Variants in NINL observed in about 807,000 individuals in gnomAD.
NINL encodes the protein ninein like.
A neutral mutation model predicts 160.3 loss-of-function variants in NINL; 153 were observed. The ratio of observed to expected loss-of-function variants is 0.95; its 90% CI spans 0.84 to 1.09. NINL has a LOEUF of 1.09. Ranked by LOEUF, NINL falls within the 50% of genes least tolerant of loss-of-function variation. The pLI, the probability that NINL is intolerant of heterozygous loss-of-function variation, is 0.00. For synonymous variants in NINL, 800 were observed against 734.8 expected (o/e 1.09, Z -1.43); for missense variants, 1,829 against 1,764.0 (o/e 1.04, Z -0.66).
chr20:25,495,307 C>A (rs2063728707), intron 10 of NINL, among the ~76,000 whole-genome samples: 1 of 152,222 alleles, frequency 6.6e-6, no homozygotes, highest in South Asian at 2.1e-4. Context: ...TGCAGGCTCA[C>A]CCTGGGGACT....
Position 25,505,983 on chromosome 20 carries a change from G to T in NINL, c.518-905C>A, listed in dbSNP as rs189952703. On this transcript the variant is annotated intron_variant, in intron 5 of 23. Coordinates refer to ENST00000278886, the MANE Select transcript of NINL (RefSeq NM_025176.6). ...GCAAGCACTTAAAAGAGGCAGAGGG[G>T]CTGGGCGCGGTGGCTTACGCCTGTA... 6.0e-4 allele frequency among the ~76,000 whole-genome samples: 92 copies of T among 152,366 alleles called. 2 individuals are homozygous for T. In the East Asian group the frequency reaches 0.017, roughly 27 times the overall value.
intron 18 of NINL, among the ~76,000 whole-genome samples, chr20:25,467,747 C>G (rs188758497): frequency 6.6e-6 from 1 of 152,300 alleles, no homozygotes; most frequent in South Asian, 2.1e-4. Context: ...ACTGTAAGAA[C>G]GCACACCCTG....
chr20:25,518,241 G>C (rs1416103960), intron 2 of NINL, among the ~76,000 whole-genome samples: 1 of 152,174 alleles, frequency 6.6e-6, no homozygotes, highest in African/African-American at 2.4e-5. Flanking sequence ...TGACTTTTAT[G>C]GTGACAGCTT....
chr20:25,577,217 G>A (rs2065124906), intron 1 of NINL, among the ~76,000 whole-genome samples: 1 of 152,190 alleles, frequency 6.6e-6, no homozygotes, highest in African/African-American at 2.4e-5. Flanking sequence ...CCGCCCTCTG[G>A]AGTCCCTGCT....
intron 1 of NINL, among the ~76,000 whole-genome samples, chr20:25,553,705 A>G (rs1036083556): frequency 6.6e-6 from 1 of 152,176 alleles, no homozygotes; most frequent in African/African-American, 2.4e-5. Flanking sequence ...TCCTTCACTT[A>G]TCTTTCTCCC....
intron 16 of NINL, among the ~76,000 whole-genome samples, chr20:25,477,446 A>C (rs1369769287): frequency 6.6e-6 from 1 of 152,240 alleles, no homozygotes. Flanking sequence ...CAGGGCAGAC[A>C]TACGACGTGG....
intron 1 of NINL, among the ~76,000 whole-genome samples, chr20:25,532,690 C>T (rs1306192618): frequency 5.9e-5 from 9 of 152,226 alleles, no homozygotes; most frequent in Admixed American, 4.6e-4. Context: ...CAGGTGCGGG[C>T]AAGCAGGTGA....
intron 20 of NINL, 84 bp downstream of exon 20, chr20:25,462,299 C>A (rs1396433029): frequency 6.8e-6 from 9 of 1,321,308 alleles, no homozygotes; most frequent in South Asian, 1.4e-5. Context: ...GGCTCCTCAG[C>A]GCGTGTCCTG....
chr20:25,571,567 C>G (rs534606190), intron 1 of NINL, among the ~76,000 whole-genome samples: 2 of 152,238 alleles, frequency 1.3e-5, no homozygotes, highest in Non-Finnish European at 2.9e-5. Context: ...TCATGGAATG[C>G]TATTTAAAAG....
chr20:25,555,918 G>T (rs1047620476), intron 1 of NINL, among the ~76,000 whole-genome samples: 1 of 151,618 alleles, frequency 6.6e-6, no homozygotes, highest in African/African-American at 2.4e-5. Context: ...CAGGTGATAC[G>T]CCCGCCTCGG....
chr20:25,455,459 T>G (rs1568824111), intron 23 of NINL, among the ~76,000 whole-genome samples: 1 of 152,172 alleles, frequency 6.6e-6, no homozygotes, highest in Non-Finnish European at 1.5e-5. Context: ...GATGAGTCCT[T>G]TCTGAGTGTA....
Position 25,500,894 on chromosome 20 carries a change from C to T in NINL, c.978G>A (p.Gln326=). ...CCTCCTGGGTCCACATGGCCAGGAC[C>T]TGATCAGGAAAAGCGAAGCCAGAAC... ...DDGSGFAFPD[Q]VLAMWTQEGI... Residue 326 remains glutamine, a synonymous_variant, in exon 8 of 24, where the codon CAG becomes CAA. Coordinates refer to ENST00000278886, the MANE Select transcript of NINL (RefSeq NM_025176.6). 1 of 1,614,226 alleles carries T rather than the reference C, an allele frequency of 6.2e-7. No homozygotes were observed. Among genetic ancestry groups the T allele is most frequent in the Non-Finnish European group, 8.5e-7 (1 of 1,180,046 alleles).
chr20:25,573,297 C>CA (rs960087203), intron 1 of NINL, among the ~76,000 whole-genome samples: 2,523 of 51,416 alleles, frequency 0.049, 64 homozygotes, highest in African/African-American at 0.11. Flanking sequence ...AACTCCATCT[C>CA]AAAAAAAAAA....
At chr20:25,520,027 A>G in intron 2 of NINL, among the ~76,000 whole-genome samples, 1 of 98,932 alleles carries the variant, frequency 1.0e-5, no homozygotes, top group Admixed American at 1.1e-4. Context: ...AAGGCCAGAG[A>G]GTATGTATTG....
In NINL at chr20:25,469,970, G is replaced by A. The variant is rs771484621; in HGVS notation, c.3353+21C>T. ...GGCAAAACGCACCCCCAGAAGGTCT[G>A]GGTAGGGGCGTGGCCCTTACCTCTG... is the stretch of plus-strand genomic sequence containing the variant. On this transcript the variant is annotated intron_variant, in intron 18 of 23. Coordinates refer to ENST00000278886, the MANE Select transcript of NINL (RefSeq NM_025176.6). 5 of 1,574,846 alleles carry A rather than the reference G, an allele frequency of 3.2e-6. No individual in the cohort carries two copies. The Admixed American group carries it at 6.7e-5, about 21-fold the overall frequency.
At chr20:25,478,009 C>T (rs924387373) in intron 16 of NINL, among the ~76,000 whole-genome samples, 4 of 147,188 alleles carry the variant, frequency 2.7e-5, no homozygotes, top group Admixed American at 1.4e-4. Flanking sequence ...AGTGCAATGG[C>T]GAGATCTCGG....
At chr20:25,570,916 T>C (rs2065048383) in intron 1 of NINL, among the ~76,000 whole-genome samples, 1 of 152,000 alleles carries the variant, frequency 6.6e-6, no homozygotes, top group African/African-American at 2.4e-5. Context: ...TTGGCCAGGC[T>C]GGTCTCAAAC....
At chr20:25,481,658 A>G (rs2063391143) in intron 14 of NINL, among the ~76,000 whole-genome samples, 1 of 152,206 alleles carries the variant, frequency 6.6e-6, no homozygotes, top group Non-Finnish European at 1.5e-5. Flanking sequence ...TCCGGGATTT[A>G]GCTCTTCTCA....
At position 25,477,926 on chromosome 20, in the gene NINL, C is replaced by CTT. The variant is rs34667640; in HGVS notation, c.2202-839_2202-838dup. Among the ~76,000 whole-genome samples, 114 of 143,140 alleles carry CTT rather than the reference C, an allele frequency of 8.0e-4. 2 individuals are homozygous for CTT. The highest frequency in any genetic ancestry group is 1.7e-3 in the African/African-American group (66 of 38,588). 93.9% of individuals were successfully genotyped at this position (143,140 alleles called of 152,430 possible). On this transcript the variant is annotated intron_variant, in intron 16 of 23. Transcript: ENST00000278886. ...GGGGAGGCACAGGATGGACAGACGA[C>CTT]TTTTTTTTTTTTTTGAGACGAGTCT...
Sources: gnomAD v4.1 joint callset for allele counts (sites outside exome capture counted in the v4.1 genomes callset) on GRCh38, gnomAD v4.1.1 for gene constraint, MANE v1.5 for transcripts, NCBI Gene and HGNC (gene_info 2026-07-23, HGNC 2026-07-21) for gene names.